FAAH2: variants seen among roughly 807,000 people sequenced by gnomAD.
The protein encoded by FAAH2 is fatty acid amide hydrolase 2, also known as fatty-acid amide hydrolase 2.
In FAAH2, 60 loss-of-function variants were observed where a neutral mutation model predicts 36.9. That is an observed-to-expected ratio of 1.63 (90% confidence interval 1.32 to 2.02). The LOEUF (loss-of-function observed/expected upper bound fraction) is 2.02. Among genes scored for constraint, FAAH2 ranks in the 30% most tolerant of loss-of-function variants. FAAH2 has a pLI of 0.00. For synonymous variants in FAAH2, 214 were observed against 143.8 expected (o/e 1.49, Z -3.49); for missense variants, 689 against 397.5 (o/e 1.73, Z -6.23).
chrX:57,162,462 A>T, the FAAH2 span, among the ~76,000 whole-genome samples: 1 of 111,928 alleles, frequency 8.9e-6, no homozygotes, highest in East Asian at 2.8e-4. Context: ...GTGTTTTCCA[A>T]CTTGGTTCCA....
intron 8 of FAAH2, among the ~76,000 whole-genome samples, chrX:57,441,857 T>A (rs182777557): frequency 7.6e-4 from 85 of 111,817 alleles, no homozygotes; most frequent in African/African-American, 2.6e-3. Flanking sequence ...TGCCTTCATT[T>A]CGTTATGTAC....
chrX:57,479,004 G>A (rs1281404282), intron 10 of FAAH2, among the ~76,000 whole-genome samples: 2 of 111,579 alleles, frequency 1.8e-5, no homozygotes, highest in African/African-American at 6.5e-5. Context: ...CTTTAAAGTA[G>A]TTTTTCCCAA....
rs554293368 is a variant in FAAH2 at position 57,385,460 on chromosome X, G to C, written c.996+4431G>C. ...CAGGAAAGTCCAAGATCAAGGTTCTGGCAGGTTCAGTGTCTGGTGAGGGCC... is the reference window on the plus strand; with the variant it reads ...CAGGAAAGTCCAAGATCAAGGTTCTCGCAGGTTCAGTGTCTGGTGAGGGCC... On this transcript the variant is annotated intron_variant, in intron 7 of 10. Coordinates refer to ENST00000374900, the MANE Select transcript of FAAH2 (RefSeq NM_174912.4). Among the ~76,000 whole-genome samples the C allele has an allele frequency of 9.0e-5, 10 of 111,177 alleles. No individual in the cohort carries two copies. In the South Asian group the frequency reaches 3.8e-3, roughly 42 times the overall value.
At chrX:57,162,919 T>C in the FAAH2 span, among the ~76,000 whole-genome samples, 1 of 112,937 alleles carries the variant, frequency 8.9e-6, no homozygotes, top group Non-Finnish European at 1.9e-5. Context: ...TGCGTTCCTT[T>C]GGAGGAGGAG....
the FAAH2 span, among the ~76,000 whole-genome samples, chrX:57,194,874 T>C: frequency 8.9e-6 from 1 of 111,929 alleles, no homozygotes; most frequent in Admixed American, 9.5e-5. Context: ...CTTAGAATAA[T>C]AGTCTCCAGC....
intron 3 of FAAH2, among the ~76,000 whole-genome samples, chrX:57,327,298 G>A (rs2053246124): frequency 9.5e-6 from 1 of 105,741 alleles, no homozygotes; most frequent in East Asian, 3.0e-4. Context: ...CAACTTTGGT[G>A]AATCTGACAA....
At chrX:57,393,136 G>T (rs768861825) in intron 7 of FAAH2, 2 of 1,063,662 alleles carry the variant, frequency 1.9e-6, no homozygotes, top group South Asian at 1.9e-5. Context: ...AAAGGCAGCC[G>T]ATGAGGTCCA....
At chrX:57,263,949 A>T in the FAAH2 span, among the ~76,000 whole-genome samples, 3 of 111,863 alleles carry the variant, frequency 2.7e-5, no homozygotes, top group Non-Finnish European at 5.6e-5. Flanking sequence ...TGGAGAAAAG[A>T]GTCTTTTAAA....
chrX:57,387,832 A>G (rs1248217063), intron 7 of FAAH2, among the ~76,000 whole-genome samples: 7 of 111,161 alleles, frequency 6.3e-5, no homozygotes. Context: ...TATTTTCTGA[A>G]AAGGAGGAAG....
intron 7 of FAAH2, chrX:57,393,151 A>C (rs968176468): frequency 1.8e-6 from 2 of 1,099,345 alleles, no homozygotes; most frequent in African/African-American, 3.6e-5. Flanking sequence ...GGTCCAGCTC[A>C]GTCTCTGTAT....
chrX:57,304,575 C>T (rs1014601247), intron 2 of FAAH2, among the ~76,000 whole-genome samples: 1 of 112,148 alleles, frequency 8.9e-6, no homozygotes, highest in Non-Finnish European at 1.9e-5. Context: ...AATAACATTA[C>T]TGTGATTGCA....
upstream of FAAH2, among the ~76,000 whole-genome samples, chrX:57,283,510 G>T (rs1451738420): frequency 8.9e-6 from 1 of 111,763 alleles, no homozygotes; most frequent in Non-Finnish European, 1.9e-5. Context: ...GGCAGCAGGG[G>T]AAGAACCACT....
intron 2 of FAAH2, among the ~76,000 whole-genome samples, chrX:57,303,206 C>G (rs927983912): frequency 8.9e-6 from 1 of 111,906 alleles, no homozygotes; most frequent in Non-Finnish European, 1.9e-5. Flanking sequence ...GTTTCAGGAA[C>G]CCTGTCTTGC....
At chrX:57,232,158 T>C in the FAAH2 span, among the ~76,000 whole-genome samples, 1 of 111,817 alleles carries the variant, frequency 8.9e-6, no homozygotes, top group African/African-American at 3.2e-5. Context: ...GCTAGCCCCC[T>C]CAAGGAAAGA....
rs763990623 is a variant in FAAH2, at chrX:57,376,788, T to C, written c.743-1863T>C. On this transcript the variant is annotated intron_variant, in intron 5 of 10. Coordinates refer to ENST00000374900, the MANE Select transcript of FAAH2 (RefSeq NM_174912.4). Reference sequence around the variant, plus strand: ...TCCAACCAACAATGTAAAAAGCGTTTTTATTTCTCCACATTCTCTCCAGCA... The same window carrying C: ...TCCAACCAACAATGTAAAAAGCGTTCTTATTTCTCCACATTCTCTCCAGCA... Among the ~76,000 whole-genome samples, 4 of 112,162 alleles carry C rather than the reference T, an allele frequency of 3.6e-5. No individual in the cohort carries two copies. The East Asian group carries it at 8.4e-4, about 24-fold the overall frequency.
the FAAH2 span, among the ~76,000 whole-genome samples, chrX:57,250,394 G>A: frequency 9.0e-6 from 1 of 111,436 alleles, no homozygotes; most frequent in African/African-American, 3.3e-5. Flanking sequence ...GAAACATTAT[G>A]GCATTCAACA....
rs543973474 is a variant in FAAH2, at chrX:57,289,215, A to T, written c.192+2198A>T. The stretch of plus-strand genomic sequence containing the variant: ...AAAGTGGTAGAGCCAGGTAAATCTT[A>T]CTCAATTTTTGTTGGCACTTTATGG... On this transcript the variant is annotated intron_variant, in intron 1 of 10. Coordinates refer to ENST00000374900, the MANE Select transcript of FAAH2 (RefSeq NM_174912.4). Among the ~76,000 whole-genome samples the T allele has an allele frequency of 2.7e-5, 3 of 111,801 alleles. No homozygotes were observed. The Admixed American group carries it at 2.9e-4, about 11-fold the overall frequency.
intron 10 of FAAH2, among the ~76,000 whole-genome samples, chrX:57,487,687 G>A (rs2057500605): frequency 8.9e-6 from 1 of 111,877 alleles, no homozygotes; most frequent in Non-Finnish European, 1.9e-5. Flanking sequence ...TCACATTGGT[G>A]CAGACTCTTT....
In FAAH2 at chrX:57,418,752, G is replaced by A. The variant is rs188991591; in HGVS notation, c.997-13166G>A. 9.9e-3 allele frequency among the ~76,000 whole-genome samples: 1,081 copies of A among 108,659 alleles called. 11 individuals carry two copies. Among genetic ancestry groups the A allele is most frequent in the Non-Finnish European group, 0.013 (663 of 52,316 alleles). The allele number at this position is 108,659 out of a possible 115,157, so 94.4% of individuals were successfully genotyped here. A position where few individuals can be genotyped will look rare whatever the true frequency, so the allele number is the denominator to read the frequency against. ...ATTATTATTATACTTTAAGTTTTAG[G>A]GTACATGTGCACAATGTGCAGGTTA... On this transcript the variant is annotated intron_variant, in intron 7 of 10. Transcript: ENST00000374900.
Sources: gnomAD v4.1 joint callset for allele counts (sites outside exome capture counted in the v4.1 genomes callset) on GRCh38, gnomAD v4.1.1 for gene constraint, MANE v1.5 for transcripts, NCBI Gene and HGNC (gene_info 2026-07-23, HGNC 2026-07-21) for gene names.